The following L3HYPDH variants were observed in gnomAD, a reference collection of about 807,000 sequenced individuals.
L3HYPDH encodes trans-L-3-hydroxyproline dehydratase, also known as trans-3-hydroxy-L-proline dehydratase.
A neutral mutation model predicts 26.5 loss-of-function variants in L3HYPDH; 32 were observed. That is an observed-to-expected ratio of 1.21 (90% CI 0.91 to 1.62). The LOEUF (loss-of-function observed/expected upper bound fraction) is 1.62. Among genes scored for constraint, L3HYPDH ranks in the 40% most tolerant of loss-of-function variants. The probability of loss-of-function intolerance (pLI) is 0.00; values close to 1 mark genes in which losing one functional copy is unlikely to be tolerated. For missense variants in L3HYPDH, 554 were observed against 476.4 expected, an observed-to-expected ratio of 1.16 and a Z score of -1.52; for synonymous variants, 215 against 196.6, an observed-to-expected ratio of 1.09 and a Z score of -0.78.
Position 59,484,367 on chromosome 14 carries a change from C to A in L3HYPDH, c.-51G>T. 2 of 1,522,280 alleles carry A rather than the reference C, an allele frequency of 1.3e-6. No individual in the cohort carries two copies. The highest frequency in any genetic ancestry group is 1.8e-5 in the Admixed American group (1 of 54,396). 94.3% of individuals were successfully genotyped at this position (1,522,280 alleles called of 1,614,324 possible). A position where few individuals can be genotyped will look rare whatever the true frequency, so the allele number is the denominator to read the frequency against. On this transcript the variant is annotated 5_prime_UTR_variant, in exon 1 of 5. Coordinates refer to ENST00000247194, the MANE Select transcript of L3HYPDH (RefSeq NM_144581.2). ...GGTCCCGCAGCTATGGCTTCAAGCC[C>A]GACCCTCACCCACTGACTCCGCGGG...
chr14:59,484,281 C>G lies in L3HYPDH; in HGVS notation c.36G>C (p.Pro12=), dbSNP rs770331229. ...ESALAVPRLP[P]HDPGTPVLSV... Reference sequence around the variant, plus strand: ...ACAGCACCGGCGTCCCTGGATCATGCGGGGGCAGCCGGGGCACCGCCAGCG... The same window carrying G: ...ACAGCACCGGCGTCCCTGGATCATGGGGGGGCAGCCGGGGCACCGCCAGCG... The change falls in exon 1 of 5, where the codon CCG becomes CCC. Residue 12 remains proline, a synonymous_variant. Coordinates refer to ENST00000247194, the MANE Select transcript of L3HYPDH (RefSeq NM_144581.2). 6.0e-5 allele frequency: 95 copies of G among 1,592,626 alleles called. No individual in the cohort carries two copies. The highest frequency in any genetic ancestry group is 7.8e-5 in the Non-Finnish European group (92 of 1,176,926).
At chr14:59,504,124 T>G in the L3HYPDH span, 1 of 1,062,266 alleles carries the variant, frequency 9.4e-7, no homozygotes, top group Non-Finnish European at 1.4e-6. Flanking sequence ...AATAAAAAAG[T>G]AAATCAATCT....
downstream of L3HYPDH, among the ~76,000 whole-genome samples, chr14:59,469,425 G>T (rs1246314584): frequency 6.6e-6 from 1 of 151,862 alleles, no homozygotes; most frequent in Non-Finnish European, 1.5e-5. Context: ...CGTAGTGGCA[G>T]GCACCTGTAA....
upstream of L3HYPDH, chr14:59,485,063 TA>T (rs748687037): frequency 6.3e-7 from 1 of 1,598,414 alleles, no homozygotes; most frequent in South Asian, 1.1e-5. Flanking sequence ...CATCGTTCGC[TA>T]AAGGAAATGA....
chr14:59,498,063 TA>T, the L3HYPDH span, among the ~76,000 whole-genome samples: 1 of 152,158 alleles, frequency 6.6e-6, no homozygotes, highest in Non-Finnish European at 1.5e-5. Flanking sequence ...AAAATTACAT[TA>T]AAAATGGGAC....
chr14:59,481,755 C>T (rs1243401165), intron 1 of L3HYPDH, among the ~76,000 whole-genome samples: 1 of 152,172 alleles, frequency 6.6e-6, no homozygotes, highest in Non-Finnish European at 1.5e-5. Flanking sequence ...AACATATCTC[C>T]TTAAACTACA....
At chr14:59,497,823 A>C in the L3HYPDH span, among the ~76,000 whole-genome samples, 1 of 152,184 alleles carries the variant, frequency 6.6e-6, no homozygotes, top group African/African-American at 2.4e-5. Context: ...TGGTATCATG[A>C]TGCTGTGTGG....
chr14:59,474,056 TA>T, intron 4 of L3HYPDH, among the ~76,000 whole-genome samples: 1 of 152,328 alleles, frequency 6.6e-6, no homozygotes, highest in African/African-American at 2.4e-5. Flanking sequence ...TAACTGAAGC[TA>T]AAGGTAAAAT....
chr14:59,484,718 C>A (rs978425646), upstream of L3HYPDH: 1 of 1,240,570 alleles, frequency 8.1e-7, no homozygotes, highest in Admixed American at 2.1e-5. Flanking sequence ...GCCCCTTGAC[C>A]CCGCCCGCCC....
the L3HYPDH span, chr14:59,495,253 T>A: frequency 2.4e-6 from 3 of 1,267,038 alleles, no homozygotes; most frequent in East Asian, 6.8e-5. Flanking sequence ...TTAAGATCAT[T>A]GTTTTTTTTT....
chr14:59,502,504 A>G, the L3HYPDH span, among the ~76,000 whole-genome samples: 2 of 152,150 alleles, frequency 1.3e-5, no homozygotes, highest in African/African-American at 4.8e-5. Context: ...GTGGGGGAAA[A>G]CATCTAGGAA....
the L3HYPDH span, among the ~76,000 whole-genome samples, chr14:59,502,398 A>C: frequency 6.6e-6 from 1 of 152,166 alleles, no homozygotes; most frequent in African/African-American, 2.4e-5. Context: ...CATAATTCCT[A>C]ACAGAGAAAA....
chr14:59,496,724 T>G, the L3HYPDH span, among the ~76,000 whole-genome samples: 6 of 152,208 alleles, frequency 3.9e-5, no homozygotes, highest in East Asian at 9.6e-4. Flanking sequence ...CTTCATTGAT[T>G]AGGACATTTT....
At position 59,474,431 on chromosome 14, in the gene L3HYPDH, T is replaced by C. The variant is rs1222931382; in HGVS notation, c.940-1341A>G. ...TGGAAGTTCTAATAAATGCATCTACTTGCCAACCTGGACTTGTCTGAGTCA... is the reference window on the plus strand; with the variant it reads ...TGGAAGTTCTAATAAATGCATCTACCTGCCAACCTGGACTTGTCTGAGTCA... On this transcript the variant is annotated intron_variant, in intron 4 of 4. Transcript: ENST00000247194. The C allele has an allele frequency of 1.8e-5, 12 of 671,682 alleles. No individual in the cohort carries two copies. In the East Asian group the frequency reaches 3.3e-4, roughly 18 times the overall value. The allele number at this position is 671,682 out of a possible 1,614,324, so 41.6% of individuals were successfully genotyped here.
At chr14:59,496,973 T>C in the L3HYPDH span, among the ~76,000 whole-genome samples, 60,731 of 151,178 alleles carry the variant, frequency 0.4, 13,186 homozygotes, top group African/African-American at 0.56. Flanking sequence ...CCGAAGGTTG[T>C]AGGGCTACCA....
the L3HYPDH span, chr14:59,503,717 A>T: frequency 1.6e-6 from 1 of 612,816 alleles, no homozygotes. Context: ...GTGATTTCTT[A>T]AGTCTTTTTT....
rs1890261086 is a variant in L3HYPDH, at chr14:59,483,903, G to A, written c.414C>T (p.Pro138=). The change falls in exon 1 of 5, where the codon CCC becomes CCT. Residue 138 remains proline (P), a synonymous_variant. Coordinates refer to ENST00000247194, the MANE Select transcript of L3HYPDH (RefSeq NM_144581.2). ...CCACGAAGGCGGTCACCAGCCCGCA[G>A]GGGCAGTGGATATTGACGCGGGCCT... ...TREARVNIHC[P]CGLVTAFVAC... is the part of the protein sequence containing the mutation. The A allele has an allele frequency of 6.4e-7, 1 of 1,562,830 alleles. No homozygotes were observed. Among genetic ancestry groups the A allele is most frequent in the Non-Finnish European group, 8.6e-7 (1 of 1,160,418 alleles).
intron 1 of L3HYPDH, among the ~76,000 whole-genome samples, chr14:59,482,146 A>C (rs1456380658): frequency 6.6e-6 from 1 of 152,294 alleles, no homozygotes; most frequent in South Asian, 2.1e-4. Context: ...TGAACTCAGC[A>C]ACCCTCTGAG....
rs1054359721 is a variant in L3HYPDH, at chr14:59,474,312, C to T, written c.940-1222G>A. Reference sequence around the variant, plus strand: ...AGTCCTATCACACATACACAGTAGGCAAAGAGCCAGAAAATTAGCTTAAAA... The same window carrying T: ...AGTCCTATCACACATACACAGTAGGTAAAGAGCCAGAAAATTAGCTTAAAA... On this transcript the variant is annotated intron_variant, in intron 4 of 4. Transcript: ENST00000247194. 25 of 542,530 alleles carry T rather than the reference C, an allele frequency of 4.6e-5. No individual in the cohort carries two copies. The East Asian group carries it at 7.5e-4, about 16-fold the overall frequency. The allele number at this position is 542,530 out of a possible 1,614,324, so 33.6% of individuals were successfully genotyped here. A position where few individuals can be genotyped will look rare whatever the true frequency, so the allele number is the denominator to read the frequency against.
Sources: gnomAD v4.1 joint callset for allele counts (sites outside exome capture counted in the v4.1 genomes callset) on GRCh38, gnomAD v4.1.1 for gene constraint, MANE v1.5 for transcripts, NCBI Gene and HGNC (gene_info 2026-07-23, HGNC 2026-07-21) for gene names.